Variants in GTF3C5 observed in about 807,000 individuals in gnomAD.
GTF3C5 encodes general transcription factor 3C polypeptide 5.
Under a neutral mutation model 61.0 loss-of-function variants are expected in GTF3C5, and 47 were observed. That is an observed-to-expected ratio of 0.77 (90% CI 0.61 to 0.98). GTF3C5 has a LOEUF of 0.98. Among genes scored for constraint, GTF3C5 ranks in the 50% least tolerant of loss-of-function variants. GTF3C5 has a pLI of 0.00. For synonymous variants in GTF3C5, 295 were observed against 275.4 expected, an observed-to-expected ratio of 1.07 and a Z score of -0.71; for missense variants, 659 against 703.3, an observed-to-expected ratio of 0.94 and a Z score of 0.71.
intron 4 of GTF3C5, among the ~76,000 whole-genome samples, chr9:133,051,209 C>T (rs184103979): frequency 4.6e-5 from 7 of 152,354 alleles, no homozygotes; most frequent in South Asian, 2.1e-4. Flanking sequence ...GAAAAATATG[C>T]GTGCGTTGTT....
intron 10 of GTF3C5, among the ~76,000 whole-genome samples, chr9:133,057,304 C>A (rs538253941): frequency 6.6e-6 from 1 of 152,228 alleles, no homozygotes; most frequent in Non-Finnish European, 1.5e-5. Flanking sequence ...ACCAGGCAGC[C>A]CTGGCAGGAG....
chr9:133,056,560 G>A (rs1829944949), intron 9 of GTF3C5, among the ~76,000 whole-genome samples: 1 of 152,216 alleles, frequency 6.6e-6, no homozygotes, highest in Non-Finnish European at 1.5e-5. Context: ...CCAGCTTCAT[G>A]TGTGTGAGGC....
chr9:133,049,312 T>G (rs1196488259), intron 3 of GTF3C5, among the ~76,000 whole-genome samples: 1 of 152,202 alleles, frequency 6.6e-6, no homozygotes, highest in Non-Finnish European at 1.5e-5. Context: ...GGAACATCTT[T>G]GAAAACGCGA....
intron 8 of GTF3C5, chr9:133,055,102 C>T: frequency 4.5e-6 from 7 of 1,550,286 alleles, no homozygotes; most frequent in Non-Finnish European, 6.1e-6. Context: ...AGCCTGGGCC[C>T]CCACTGAGCC....
intron 1 of GTF3C5, among the ~76,000 whole-genome samples, chr9:133,037,582 A>G (rs1849906041): frequency 6.6e-6 from 1 of 152,016 alleles, no homozygotes; most frequent in South Asian, 2.1e-4. Flanking sequence ...ATCGGGATGA[A>G]TGTATTTTTC....
chr9:133,056,670 T>C, intron 9 of GTF3C5, 96 bp from the exon 10 acceptor site: 2 of 1,211,428 alleles, frequency 1.7e-6, no homozygotes, highest in Non-Finnish European at 2.3e-6. Flanking sequence ...GCCTTTGATC[T>C]CAGTACAGCT....
At chr9:133,041,268 T>G (rs2118990402) in intron 1 of GTF3C5, among the ~76,000 whole-genome samples, 1 of 152,340 alleles carries the variant, frequency 6.6e-6, no homozygotes, top group Non-Finnish European at 1.5e-5. Flanking sequence ...GTGGAGGGCC[T>G]GACATCAGTC....
intron 4 of GTF3C5, among the ~76,000 whole-genome samples, chr9:133,051,817 G>GT (rs1186057957): frequency 6.6e-6 from 1 of 152,186 alleles, no homozygotes; most frequent in Non-Finnish European, 1.5e-5. Flanking sequence ...GTCTCTTATC[G>GT]TTTGAGAGAC....
chr9:133,057,713 C>T, intron 10 of GTF3C5, 101 bp from the exon 11 acceptor site: 2 of 1,131,608 alleles, frequency 1.8e-6, no homozygotes, highest in Admixed American at 2.6e-5. Flanking sequence ...CGAGCTCGGA[C>T]CCTTATAGTA....
intron 7 of GTF3C5, 85 bp downstream of exon 7, chr9:133,054,573 C>T (rs1375638590): frequency 1.4e-6 from 2 of 1,445,158 alleles, no homozygotes; most frequent in African/African-American, 1.4e-5. Flanking sequence ...GAGGTGGTTC[C>T]TGGGGGTCAC....
intron 7 of GTF3C5, 36 bp downstream of exon 7, chr9:133,054,524 G>T: frequency 3.8e-6 from 6 of 1,595,572 alleles, no homozygotes; most frequent in Non-Finnish European, 5.2e-6. Flanking sequence ...GGTCATGAGT[G>T]ATTTGCCAAG....
intron 1 of GTF3C5, among the ~76,000 whole-genome samples, chr9:133,041,334 G>A (rs192583616): frequency 1.2e-3 from 187 of 152,332 alleles, no homozygotes; most frequent in African/African-American, 4.4e-3. Context: ...TGCTTCAGTG[G>A]TCACGCTCCT....
At chr9:133,043,567 T>C (rs1732355464) in intron 2 of GTF3C5, among the ~76,000 whole-genome samples, 161 bp from the exon 3 acceptor site, 1 of 152,228 alleles carries the variant, frequency 6.6e-6, no homozygotes. Flanking sequence ...GAGCCAACTT[T>C]GCAGAGGCAT....
chr9:133,055,351 G>A (rs1440993332), intron 8 of GTF3C5: 1 of 1,328,880 alleles, frequency 7.5e-7, no homozygotes, highest in Admixed American at 2.2e-5. Flanking sequence ...CACCTGCTGA[G>A]GGAGTGGGTG....
chr9:133,045,071 A>G (rs558356037), intron 3 of GTF3C5, among the ~76,000 whole-genome samples: 47 of 152,380 alleles, frequency 3.1e-4, no homozygotes, highest in African/African-American at 1.0e-3. Flanking sequence ...AATGCCATAC[A>G]TTGACATAAA....
chr9:133,045,824 A>G (rs1850185611), intron 3 of GTF3C5, among the ~76,000 whole-genome samples: 1 of 152,052 alleles, frequency 6.6e-6, no homozygotes, highest in Admixed American at 6.6e-5. Flanking sequence ...TTTAGCAGAA[A>G]TGAGGTTTCA....
chr9:133,049,358 G>A (rs1030366783), intron 3 of GTF3C5, among the ~76,000 whole-genome samples: 1 of 152,198 alleles, frequency 6.6e-6, no homozygotes, highest in African/African-American at 2.4e-5. Context: ...TCTAACGCAG[G>A]CACTTTAAAA....
At position 133,056,807 on chromosome 9, in the gene GTF3C5, C is replaced by T. The variant is rs1829952362; in HGVS notation, c.1292C>T (p.Ser431Phe). The T allele has an allele frequency of 6.2e-7, 1 of 1,611,344 alleles. No homozygotes were observed. The highest frequency in any genetic ancestry group is 8.5e-7 in the Non-Finnish European group (1 of 1,178,702). ...CACCGCAATGACGGGGCAGAGAATT[C>T]CTGCACAGAACGGGATGGGTGGTGC... The part of the protein sequence containing the change: ...IIHRNDGAEN[S>F]CTERDGWCLP... Residue 431 changes from serine to phenylalanine, a missense_variant, in exon 10 of 11, where the codon TCC (serine) becomes TTC (phenylalanine). By Grantham distance (155) the Ser-to-Phe change is radical. Transcript: ENST00000372097.
At chr9:133,057,004 C>G in intron 10 of GTF3C5, 96 bp downstream of exon 10, 1 of 1,234,396 alleles carries the variant, frequency 8.1e-7, no homozygotes, top group South Asian at 1.6e-5. Flanking sequence ...GGAAATGGCA[C>G]CCAGGTGGCA....
Sources: allele counts gnomAD v4.1 joint callset (sites outside exome capture counted in the v4.1 genomes callset), GRCh38; gene constraint gnomAD v4.1.1; transcripts MANE v1.5; gene names NCBI Gene and HGNC (gene_info 2026-07-23, HGNC 2026-07-21).